Variants in TLN2 observed in about 807,000 individuals in gnomAD.
TLN2 encodes the protein talin-2.
In TLN2, 118 loss-of-function variants were observed where a neutral mutation model predicts 294.7. The ratio of observed to expected loss-of-function variants is 0.40; its 90% CI spans 0.34 to 0.47. The LOEUF (loss-of-function observed/expected upper bound fraction) is 0.47, where lower values mean the gene tolerates loss of function less well. TLN2 is among the 20% of genes least tolerant of loss of function. The pLI is 0.84. For missense variants in TLN2, 3,083 were observed against 3,282.2 expected, an observed-to-expected ratio of 0.94 and a Z score of 1.48; for synonymous variants, 1,431 against 1,304.5, an observed-to-expected ratio of 1.10 and a Z score of -2.09.
In TLN2 at chr15:62,753,053, A is replaced by G. The variant is rs1200884773; in HGVS notation, c.4332+626A>G. 2.6e-5 allele frequency among the ~76,000 whole-genome samples: 4 copies of G among 152,344 alleles called. No homozygotes were observed. In the East Asian group the frequency reaches 7.7e-4, roughly 29 times the overall value. On this transcript the variant is annotated intron_variant, in intron 35 of 58. Transcript: ENST00000636159. Reference sequence around the variant, plus strand: ...ATTATCTACCTTTATCCTTCCCCTCAGATCTCAGGAGAAATGAAATAAGAT... The same window carrying G: ...ATTATCTACCTTTATCCTTCCCCTCGGATCTCAGGAGAAATGAAATAAGAT...
chr15:62,616,585 C>T (rs2048334219), intron 2 of TLN2, among the ~76,000 whole-genome samples: 1 of 152,138 alleles, frequency 6.6e-6, no homozygotes, highest in Admixed American at 6.5e-5. Flanking sequence ...TGTACCACTG[C>T]ACCTAGCCTA....
Position 62,572,539 on chromosome 15 carries a change from C to G in TLN2, c.-237-17148C>G, listed in dbSNP as rs547896793. Among the ~76,000 whole-genome samples the G allele has an allele frequency of 8.1e-4, 124 of 152,238 alleles. No individual in the cohort carries two copies. The Middle Eastern group carries it at 0.027, about 33-fold the overall frequency. On this transcript the variant is annotated intron_variant, in intron 1 of 58. Coordinates refer to ENST00000636159, the MANE Select transcript of TLN2 (RefSeq NM_015059.3). Reference sequence around the variant, plus strand: ...GGGATTACAGGGCAGCCTTTTTTTCCCCCTTAGATGGAGCCTACTCTCCAG... The same window carrying G: ...GGGATTACAGGGCAGCCTTTTTTTCGCCCTTAGATGGAGCCTACTCTCCAG...
chr15:62,632,890 C>T (rs1340446396), intron 3 of TLN2, among the ~76,000 whole-genome samples: 1 of 152,182 alleles, frequency 6.6e-6, no homozygotes, highest in Non-Finnish European at 1.5e-5. Flanking sequence ...CATTTGGTTT[C>T]ATCTGTATTA....
chr15:62,699,655 G>C (rs2058589314), intron 16 of TLN2, among the ~76,000 whole-genome samples: 1 of 152,162 alleles, frequency 6.6e-6, no homozygotes, highest in South Asian at 2.1e-4. Flanking sequence ...GCAGAATCTT[G>C]GGCCTTCCCC....
At chr15:62,567,608 G>A (rs952680760) in intron 1 of TLN2, among the ~76,000 whole-genome samples, 1 of 152,060 alleles carries the variant, frequency 6.6e-6, no homozygotes, top group Middle Eastern at 3.2e-3. Context: ...GCCAAGGCGG[G>A]TGGATCACTT....
chr15:62,512,899 C>G (rs983242895), intron 1 of TLN2, among the ~76,000 whole-genome samples: 1 of 152,176 alleles, frequency 6.6e-6, no homozygotes, highest in Admixed American at 6.5e-5. Context: ...ATCTGGCTTG[C>G]AAAACTGAAC....
Position 62,667,217 on chromosome 15 carries a change from T to C in TLN2, c.789-6610T>C, listed in dbSNP as rs147027494. On this transcript the variant is annotated intron_variant, in intron 9 of 58. Transcript: ENST00000636159. ...TCCTGACCTAGTGATCCGCCCGCCT[T>C]GGCCTCCCAAAGTGCTGGGATTACA... 7.5e-3 allele frequency among the ~76,000 whole-genome samples: 1,139 copies of C among 152,216 alleles called. 8 individuals are homozygous for C. The highest frequency in any genetic ancestry group is 0.024 in the Middle Eastern group (7 of 290).
chr15:62,686,245 A>C (rs543295964), intron 11 of TLN2, among the ~76,000 whole-genome samples: 1 of 152,354 alleles, frequency 6.6e-6, no homozygotes, highest in East Asian at 1.9e-4. Flanking sequence ...GTTTTAGTTA[A>C]GTTAATTTTA....
intron 1 of TLN2, among the ~76,000 whole-genome samples, chr15:62,573,063 G>A (rs1283981661): frequency 6.6e-6 from 1 of 152,196 alleles, no homozygotes; most frequent in Admixed American, 6.5e-5. Context: ...CAGCCCCCAA[G>A]CTGACCCTTA....
At chr15:62,675,991 C>T (rs1324121180) in intron 11 of TLN2, among the ~76,000 whole-genome samples, 1 of 152,160 alleles carries the variant, frequency 6.6e-6, no homozygotes, top group Non-Finnish European at 1.5e-5. Flanking sequence ...GCTTGTTTTG[C>T]TTTGACCCCT....
chr15:62,519,390 A>G (rs2140468918), intron 1 of TLN2, among the ~76,000 whole-genome samples: 1 of 152,282 alleles, frequency 6.6e-6, no homozygotes, highest in South Asian at 2.1e-4. Context: ...TAGTGTTCAC[A>G]CCTTTATTTT....
chr15:62,685,511 G>T (rs2057211607), intron 11 of TLN2, among the ~76,000 whole-genome samples: 1 of 152,082 alleles, frequency 6.6e-6, no homozygotes, highest in African/African-American at 2.4e-5. Flanking sequence ...AGCTAGCTGT[G>T]TCAAAAGTAA....
At position 62,648,540 on chromosome 15, in the gene TLN2, TGAC is replaced by T. The variant is rs1433212438; in HGVS notation, c.136+1097_136+1099del. ...TTGGTCTAAAACGTGATGATGATGA[TGAC>T]GATTTTTTTTTTTTTTTTTTTGAGA... On this transcript the variant is annotated intron_variant, in intron 4 of 58. Coordinates refer to ENST00000636159, the MANE Select transcript of TLN2 (RefSeq NM_015059.3). 2.1e-5 allele frequency among the ~76,000 whole-genome samples: 3 copies of T among 139,794 alleles called. No homozygotes were observed. In the Admixed American group the frequency reaches 2.3e-4, roughly 11 times the overall value. The allele number at this position is 139,794 out of a possible 152,430, so 91.7% of individuals were successfully genotyped here.
rs1322516973 is a variant in TLN2, at chr15:62,781,140, C to G, written c.5515C>G (p.Leu1839Val). 3 of 1,613,062 alleles carry G rather than the reference C, an allele frequency of 1.9e-6. No homozygotes were observed. The highest frequency in any genetic ancestry group is 2.5e-6 in the Non-Finnish European group (3 of 1,179,130). ...TGGATTCTTTTCCTCTCCTCTGTAG[C>G]TGGATGAAGGCACTCCTCCAGAACC... ...VDAIAEAMSK[L>V]DEGTPPEPKG... Residue 1839 changes from leucine to valine, a missense_variant and splice_region_variant, in exon 44 of 59, where the codon CTG (leucine) becomes GTG (valine). Leu to Val is a conservative substitution (Grantham distance 32, BLOSUM62 1). Coordinates refer to ENST00000636159, the MANE Select transcript of TLN2 (RefSeq NM_015059.3).
chr15:62,452,538 A>G (rs1184041970), intron 1 of TLN2, among the ~76,000 whole-genome samples: 1 of 152,132 alleles, frequency 6.6e-6, no homozygotes, highest in Non-Finnish European at 1.5e-5. Context: ...GGGCAGCATC[A>G]CCACCATCCA....
At chr15:62,470,589 C>G (rs1264290491) in intron 1 of TLN2, among the ~76,000 whole-genome samples, 1 of 152,246 alleles carries the variant, frequency 6.6e-6, no homozygotes, top group Non-Finnish European at 1.5e-5. Flanking sequence ...CTGCCCCCAG[C>G]AGCCCTAAGA....
chr15:62,752,038 T>C (rs1158819164), intron 34 of TLN2, among the ~76,000 whole-genome samples: 2 of 152,210 alleles, frequency 1.3e-5, no homozygotes, highest in African/African-American at 4.8e-5. Context: ...AGTTGCCTTT[T>C]ATAGACTCTA....
In TLN2 at chr15:62,612,130, C is replaced by T. The variant is rs2047969175; in HGVS notation, c.-161-6221C>T. On this transcript the variant is annotated intron_variant, in intron 2 of 58. Transcript: ENST00000636159. ...CTGCCCACCTCAGCTTAGTTCAGTG[C>T]TTTGCAGCCAGTATTAAATATATGT... Among the ~76,000 whole-genome samples the T allele has an allele frequency of 3.3e-5, 5 of 152,270 alleles. No homozygotes were observed. The South Asian group carries it at 1.0e-3, about 32-fold the overall frequency.
chr15:62,755,144 C>T (rs1208996515), intron 36 of TLN2: 1 of 160,282 alleles, frequency 6.2e-6, no homozygotes, highest in South Asian at 2.0e-4. Flanking sequence ...TCATTAATTT[C>T]TCTTGTTTCT....
Sources: gnomAD v4.1 joint callset for allele counts (sites outside exome capture counted in the v4.1 genomes callset) on GRCh38, gnomAD v4.1.1 for gene constraint, MANE v1.5 for transcripts, NCBI Gene and HGNC (gene_info 2026-07-23, HGNC 2026-07-21) for gene names.